OPN3: variants seen among roughly 807,000 people sequenced by gnomAD.
OPN3 encodes the protein opsin 3.
A neutral mutation model predicts 33.8 loss-of-function variants in OPN3; 29 were observed. The ratio of observed to expected loss-of-function variants is 0.86; its 90% CI spans 0.64 to 1.17. OPN3 has a LOEUF of 1.17. Ranked by LOEUF, OPN3 falls within the 50% of genes most tolerant of loss-of-function variation. The pLI, the probability that OPN3 is intolerant of heterozygous loss-of-function variation, is 0.00. For missense variants in OPN3, 437 were observed against 514.1 expected (o/e 0.85, Z 1.45); for synonymous variants, 216 against 216.1 (o/e 1.00, Z 0.00).
chr1:241,602,853 A>G (rs1260394068), intron 2 of OPN3, among the ~76,000 whole-genome samples: 1 of 152,192 alleles, frequency 6.6e-6, no homozygotes, highest in Non-Finnish European at 1.5e-5. Flanking sequence ...ACAAACATTC[A>G]GTCTATAACA....
chr1:241,596,512 C>A (rs1663516110), intron 3 of OPN3, among the ~76,000 whole-genome samples: 1 of 152,006 alleles, frequency 6.6e-6, no homozygotes, highest in Non-Finnish European at 1.5e-5. Context: ...GAGTGTAAGC[C>A]AATAATACTC....
At chr1:241,595,170 A>G (rs539980465) in intron 3 of OPN3, 1 of 153,418 alleles carries the variant, frequency 6.5e-6, no homozygotes, top group Admixed American at 6.5e-5. Context: ...TTTTCTATCG[A>G]AATTACTAAT....
intron 1 of OPN3, among the ~76,000 whole-genome samples, chr1:241,623,249 C>T (rs570059826): frequency 6.6e-6 from 1 of 152,178 alleles, no homozygotes. Context: ...TTGCAGTACT[C>T]TCATTCACTC....
chr1:241,618,352 C>T (rs1664191013), intron 1 of OPN3, among the ~76,000 whole-genome samples: 1 of 152,230 alleles, frequency 6.6e-6, no homozygotes, highest in Admixed American at 6.5e-5. Flanking sequence ...CTTGAAAATA[C>T]TTGATCCAGT....
intron 1 of OPN3, among the ~76,000 whole-genome samples, chr1:241,617,530 C>T (rs566581332): frequency 1.3e-5 from 2 of 152,202 alleles, no homozygotes; most frequent in Non-Finnish European, 2.9e-5. Flanking sequence ...ATTTACAAAG[C>T]TCTCAAGGGA....
intron 1 of OPN3, among the ~76,000 whole-genome samples, chr1:241,628,453 C>T (rs190312961): frequency 3.9e-5 from 6 of 152,280 alleles, no homozygotes; most frequent in Non-Finnish European, 8.8e-5. Flanking sequence ...GGGTCTGTCG[C>T]ATCCTCAGTC....
intron 1 of OPN3, among the ~76,000 whole-genome samples, chr1:241,624,456 C>T (rs1177041384): frequency 6.6e-6 from 1 of 152,148 alleles, no homozygotes. Context: ...GCAGAAACAC[C>T]TTTTCTTTTT....
At chr1:241,598,545 C>G (rs1270953514) in intron 2 of OPN3, among the ~76,000 whole-genome samples, 1 of 152,118 alleles carries the variant, frequency 6.6e-6, no homozygotes, top group Non-Finnish European at 1.5e-5. Context: ...AGTAGAATTT[C>G]AGGAGAAATT....
intron 1 of OPN3, chr1:241,634,962 G>A (rs777997687): frequency 1.4e-5 from 22 of 1,613,256 alleles, no homozygotes; most frequent in African/African-American, 2.7e-5. Flanking sequence ...TTTCCTTCCC[G>A]AAATGCAAGA....
chr1:241,626,835 T>C (rs1664434779), intron 1 of OPN3, among the ~76,000 whole-genome samples: 1 of 152,178 alleles, frequency 6.6e-6, no homozygotes, highest in South Asian at 2.1e-4. Flanking sequence ...AGGGCTTTAA[T>C]TATATGATGT....
chr1:241,638,359 A>G (rs1039350300), intron 1 of OPN3, among the ~76,000 whole-genome samples: 5 of 152,192 alleles, frequency 3.3e-5, no homozygotes, highest in African/African-American at 4.8e-5. Flanking sequence ...GACAGCTAGC[A>G]CTTATAAAGA....
intron 1 of OPN3, among the ~76,000 whole-genome samples, chr1:241,614,846 C>A (rs1573958257): frequency 1.3e-5 from 2 of 152,384 alleles, no homozygotes; most frequent in Admixed American, 1.3e-4. Context: ...GGACAGATAT[C>A]CTAGCCTTAG....
chr1:241,627,099 T>C (rs1664442087), intron 1 of OPN3, among the ~76,000 whole-genome samples: 1 of 152,110 alleles, frequency 6.6e-6, no homozygotes, highest in South Asian at 2.1e-4. Context: ...TCATAGGACA[T>C]CAGCAGGGAC....
intron 1 of OPN3, among the ~76,000 whole-genome samples, chr1:241,626,190 G>A (rs1664413959): frequency 6.6e-6 from 1 of 152,174 alleles, no homozygotes; most frequent in Non-Finnish European, 1.5e-5. Context: ...GGGTCCTAGT[G>A]GTCCTCTGTT....
intron 1 of OPN3, among the ~76,000 whole-genome samples, chr1:241,612,522 G>T (rs1350882968): frequency 6.6e-6 from 1 of 152,194 alleles, no homozygotes; most frequent in Admixed American, 6.5e-5. Context: ...AGGACAAGGG[G>T]AATGTAAAAT....
At position 241,598,788 on chromosome 1, in the gene OPN3, C is replaced by T. The variant is rs1041830537; in HGVS notation, c.694-791G>A. On this transcript the variant is annotated intron_variant, in intron 2 of 3. Transcript: ENST00000366554. ...TACACAGGCAAAGAATATTTCTGCA[C>T]ACCAAAAATGTGTTCCTAAATCAAA... is the stretch of plus-strand genomic sequence containing the variant. Among the ~76,000 whole-genome samples the T allele has an allele frequency of 6.6e-5, 10 of 152,144 alleles. No homozygotes were observed. In the South Asian group the frequency reaches 1.4e-3, roughly 22 times the overall value.
intron 3 of OPN3, among the ~76,000 whole-genome samples, chr1:241,597,516 A>G (rs1271883267): frequency 2.0e-5 from 3 of 152,180 alleles, no homozygotes; most frequent in African/African-American, 7.2e-5. Flanking sequence ...ATTAAATATT[A>G]GTTTTACTAG....
chr1:241,611,098 C>G (rs796742051), intron 1 of OPN3, among the ~76,000 whole-genome samples: 8 of 152,190 alleles, frequency 5.3e-5, no homozygotes, highest in African/African-American at 1.9e-4. Flanking sequence ...GGTTAAATAT[C>G]AATACAACTC....
chr1:241,597,638 G>A, intron 3 of OPN3, 108 bp downstream of exon 3: 1 of 995,862 alleles, frequency 1.0e-6, no homozygotes, highest in Non-Finnish European at 1.4e-6. Flanking sequence ...AAAAATTCTT[G>A]TTTTTTTTTT....
Sources: allele counts gnomAD v4.1 joint callset (sites outside exome capture counted in the v4.1 genomes callset), GRCh38; gene constraint gnomAD v4.1.1; transcripts MANE v1.5; gene names NCBI Gene and HGNC (gene_info 2026-07-23, HGNC 2026-07-21).